FHIT: variants seen among roughly 807,000 people sequenced by gnomAD.
The protein encoded by FHIT is bis(5'-adenosyl)-triphosphatase.
Under a neutral mutation model 17.9 loss-of-function variants are expected in FHIT, and 19 were observed. The observed-to-expected ratio is 1.06, with a 90% confidence interval of 0.74 to 1.56. FHIT has a LOEUF of 1.56. FHIT is among the 40% of genes most tolerant of loss of function. The pLI is 0.00. For synonymous variants in FHIT, 81 were observed against 69.7 expected (o/e 1.16, Z -0.81); for missense variants, 248 against 189.2 (o/e 1.31, Z -1.82).
chr3:61,170,920 T>C (rs939802468), intron 2 of FHIT, among the ~76,000 whole-genome samples: 1 of 152,168 alleles, frequency 6.6e-6, no homozygotes, highest in African/African-American at 2.4e-5. Context: ...TGGTATTAGA[T>C]ACCCAAAAAA....
At chr3:59,958,823 A>G (rs1270639941) in intron 7 of FHIT, among the ~76,000 whole-genome samples, 2 of 152,102 alleles carry the variant, frequency 1.3e-5, no homozygotes, top group Non-Finnish European at 2.9e-5. Flanking sequence ...GTTGGGATGA[A>G]TAAGTTAGCA....
chr3:60,618,479 T>C (rs1553676837), intron 4 of FHIT, among the ~76,000 whole-genome samples: 1 of 152,074 alleles, frequency 6.6e-6, no homozygotes, highest in African/African-American at 2.4e-5. Context: ...GTTCCCTCCA[T>C]GTGTTGACGT....
At chr3:60,530,902 A>G (rs1301918614) in intron 5 of FHIT, among the ~76,000 whole-genome samples, 2 of 152,142 alleles carry the variant, frequency 1.3e-5, no homozygotes, top group Admixed American at 1.3e-4. Flanking sequence ...GTGGCCATGT[A>G]CTCTAATAAC....
chr3:60,006,421 C>T (rs1699926143), intron 7 of FHIT, among the ~76,000 whole-genome samples: 1 of 152,086 alleles, frequency 6.6e-6, no homozygotes, highest in African/African-American at 2.4e-5. Context: ...TAAAGCCTAG[C>T]CACAATCTAT....
At chr3:60,391,590 T>C (rs180718546) in intron 5 of FHIT, among the ~76,000 whole-genome samples, 42 of 152,350 alleles carry the variant, frequency 2.8e-4, no homozygotes, top group African/African-American at 9.6e-4. Context: ...ATTTTAACTG[T>C]ACCTTTTCTA....
At chr3:60,675,460 C>T (rs189052195) in intron 4 of FHIT, among the ~76,000 whole-genome samples, 1 of 152,332 alleles carries the variant, frequency 6.6e-6, no homozygotes, top group African/African-American at 2.4e-5. Context: ...AAAGAGGAAG[C>T]TCAAGTTCTC....
chr3:61,151,475 T>C (rs2037386429), intron 2 of FHIT, among the ~76,000 whole-genome samples: 1 of 152,186 alleles, frequency 6.6e-6, no homozygotes, highest in African/African-American at 2.4e-5. Context: ...ACTATTAATA[T>C]GTATCCAAAG....
intron 5 of FHIT, among the ~76,000 whole-genome samples, chr3:60,441,153 T>TA (rs942980571): frequency 2.5e-4 from 38 of 151,596 alleles, no homozygotes; most frequent in African/African-American, 7.7e-4. Context: ...GAAAAGAATT[T>TA]AAAAAAAAGG....
chr3:60,503,522 A>AC (rs2034605118), intron 5 of FHIT, among the ~76,000 whole-genome samples: 8 of 152,202 alleles, frequency 5.3e-5, no homozygotes, highest in Admixed American at 1.3e-4. Context: ...AATATAAATA[A>AC]CTGATAAATG....
At chr3:60,242,331 T>C (rs1178169301) in intron 5 of FHIT, among the ~76,000 whole-genome samples, 1 of 152,136 alleles carries the variant, frequency 6.6e-6, no homozygotes, top group Non-Finnish European at 1.5e-5. Flanking sequence ...TCAAACTCTA[T>C]ATATTTCACC....
intron 2 of FHIT, among the ~76,000 whole-genome samples, chr3:61,068,290 TG>T (rs1429949331): frequency 3.3e-5 from 5 of 152,200 alleles, no homozygotes; most frequent in African/African-American, 1.2e-4. Context: ...TTCCGGTTGT[TG>T]GCAGAATGCA....
intron 3 of FHIT, among the ~76,000 whole-genome samples, chr3:60,981,295 C>CTTTTTTTTTTTTTTTTTTTTTTTT (rs71100934): frequency 8.0e-6 from 1 of 124,500 alleles, no homozygotes; most frequent in Non-Finnish European, 1.6e-5. Flanking sequence ...TTCTTCCTTC[C>CTTTTTTTTTTTTTTTTTTTTTTTT]TTTTTTTTTT....
rs868967736 is a variant in FHIT at position 60,600,256 on chromosome 3, A to G, written c.-17-63277T>C. Among the ~76,000 whole-genome samples the G allele has an allele frequency of 5.9e-5, 9 of 152,224 alleles. No individual in the cohort carries two copies. In the South Asian group the frequency reaches 1.0e-3, roughly 18 times the overall value. On this transcript the variant is annotated intron_variant, in intron 4 of 9. Coordinates refer to ENST00000492590, the MANE Select transcript of FHIT (RefSeq NM_002012.4). Reference sequence around the variant, plus strand: ...CCATATCCTACACAACACTCTCCCAAACCTCTTTTTTCCATAAGTTATTCA... The same window carrying G: ...CCATATCCTACACAACACTCTCCCAGACCTCTTTTTTCCATAAGTTATTCA...
intron 3 of FHIT, among the ~76,000 whole-genome samples, chr3:60,970,361 T>G (rs1204782056): frequency 6.6e-6 from 1 of 152,206 alleles, no homozygotes; most frequent in African/African-American, 2.4e-5. Context: ...GATTTATATT[T>G]AGACTGTACC....
chr3:59,981,789 C>T (rs1708666158), intron 7 of FHIT, among the ~76,000 whole-genome samples: 1 of 152,066 alleles, frequency 6.6e-6, no homozygotes, highest in African/African-American at 2.4e-5. Context: ...CTGAAATGCA[C>T]ACAAAAGCCT....
intron 5 of FHIT, among the ~76,000 whole-genome samples, chr3:60,417,876 T>C (rs960144743): frequency 6.6e-6 from 1 of 152,218 alleles, no homozygotes; most frequent in Non-Finnish European, 1.5e-5. Context: ...TTCATTTACA[T>C]GTTTGTCTCC....
intron 7 of FHIT, among the ~76,000 whole-genome samples, chr3:59,991,200 G>A (rs1025847899): frequency 6.6e-6 from 1 of 152,060 alleles, no homozygotes; most frequent in Non-Finnish European, 1.5e-5. Flanking sequence ...ATGGATTAAT[G>A]ACATTGTATA....
At chr3:60,551,012 T>C (rs2036527928) in intron 4 of FHIT, among the ~76,000 whole-genome samples, 1 of 152,126 alleles carries the variant, frequency 6.6e-6, no homozygotes, top group Admixed American at 6.5e-5. Context: ...TCACGTTTGA[T>C]CTGCGAGTTG....
chr3:60,145,988 T>C (rs180997826), intron 5 of FHIT, among the ~76,000 whole-genome samples: 65 of 152,284 alleles, frequency 4.3e-4, no homozygotes, highest in African/African-American at 1.3e-3. Context: ...AACAGGGACA[T>C]ACAGCTTTGT....
Sources: allele counts gnomAD v4.1 joint callset (sites outside exome capture counted in the v4.1 genomes callset), GRCh38; gene constraint gnomAD v4.1.1; transcripts MANE v1.5; gene names NCBI Gene and HGNC (gene_info 2026-07-23, HGNC 2026-07-21).